Variants in MYOZ3 observed in about 807,000 individuals in gnomAD.
MYOZ3 encodes myozenin-3.
A neutral mutation model predicts 26.5 loss-of-function variants in MYOZ3; 19 were observed. The observed-to-expected ratio is 0.72, with a 90% confidence interval of 0.50 to 1.05. MYOZ3 has a LOEUF of 1.05. MYOZ3 is among the 50% of genes least tolerant of loss of function. The pLI, the probability that MYOZ3 is intolerant of heterozygous loss-of-function variation, is 0.00. For synonymous variants in MYOZ3, 135 were observed against 138.8 expected (o/e 0.97, Z 0.19); for missense variants, 322 against 337.1 (o/e 0.96, Z 0.35).
chr5:150,671,989 C>A, intron 5 of MYOZ3, 81 bp downstream of exon 5: 1 of 1,446,634 alleles, frequency 6.9e-7, no homozygotes, highest in African/African-American at 1.4e-5. Context: ...AGGAAGAGCA[C>A]CCAGAAGGCT....
intron 2 of MYOZ3, among the ~76,000 whole-genome samples, 171 bp downstream of exon 2, chr5:150,663,173 G>A (rs1758761618): frequency 6.6e-6 from 1 of 152,224 alleles, no homozygotes; most frequent in Non-Finnish European, 1.5e-5. Context: ...GCTTCCCTGA[G>A]GCACTGGGAG....
intron 6 of MYOZ3, chr5:150,673,332 T>C (rs181048913): frequency 2.0e-5 from 3 of 149,016 alleles, no homozygotes; most frequent in Admixed American, 2.0e-4. Flanking sequence ...ATAGCTATTA[T>C]TGTTGTTGTT....
intron 5 of MYOZ3, 45 bp from the exon 6 acceptor site, chr5:150,672,295 T>C (rs1758929452): frequency 6.4e-7 from 1 of 1,555,454 alleles, no homozygotes; most frequent in Non-Finnish European, 8.7e-7. Context: ...GGTTGGGGGC[T>C]GAGGGTGGAA....
intron 2 of MYOZ3, chr5:150,670,163 C>T (rs751427794): frequency 1.5e-5 from 3 of 195,936 alleles, no homozygotes; most frequent in African/African-American, 2.3e-5. Context: ...TAAAAAATAT[C>T]GAGAATCTGA....
At chr5:150,668,639 C>A (rs1460389014) in intron 2 of MYOZ3, among the ~76,000 whole-genome samples, 1 of 152,218 alleles carries the variant, frequency 6.6e-6, no homozygotes, top group Non-Finnish European at 1.5e-5. Flanking sequence ...TAGAGATGGA[C>A]TAGGCAGGCC....
chr5:150,669,633 CTTTTT>C (rs532402882), intron 2 of MYOZ3, among the ~76,000 whole-genome samples: 70 of 47,674 alleles, frequency 1.5e-3, no homozygotes, highest in African/African-American at 3.1e-3. Flanking sequence ...CCCATATATG[CTTTTT>C]TTTTTTTTTT....
At chr5:150,672,309 C>T in intron 5 of MYOZ3, 31 bp from the exon 6 acceptor site, 2 of 1,566,310 alleles carry the variant, frequency 1.3e-6, no homozygotes, top group African/African-American at 1.3e-5. Flanking sequence ...GGTGGAAGAA[C>T]GGAGGCGCTC....
At chr5:150,676,170 G>A (rs1427158758) in intron 6 of MYOZ3, among the ~76,000 whole-genome samples, 5 of 152,124 alleles carry the variant, frequency 3.3e-5, no homozygotes, top group Admixed American at 2.6e-4. Flanking sequence ...TGACTCCATC[G>A]GCTTCACTTC....
rs1759036123 is a variant in MYOZ3, at chr5:150,677,527, T to C, written c.*652T>C. ...TAGGAGTCCACATCCACACCTCTGCTCTTTCCTGTTCCTGTAGTGTACACT... is the reference window on the plus strand; with the variant it reads ...TAGGAGTCCACATCCACACCTCTGCCCTTTCCTGTTCCTGTAGTGTACACT... On this transcript the variant is annotated 3_prime_UTR_variant, in exon 7 of 7. Coordinates refer to ENST00000517768, the MANE Select transcript of MYOZ3 (RefSeq NM_001122853.3). The C allele has an allele frequency of 6.6e-6, 1 of 152,404 alleles. No individual in the cohort carries two copies. Among genetic ancestry groups the C allele is most frequent in the Non-Finnish European group, 1.5e-5 (1 of 68,094 alleles). The allele number at this position is 152,404 out of a possible 1,614,324, so 9.4% of individuals were successfully genotyped here. A position where few individuals can be genotyped will look rare whatever the true frequency, so the allele number is the denominator to read the frequency against.
At chr5:150,674,915 T>C (rs1283984195) in intron 6 of MYOZ3, among the ~76,000 whole-genome samples, 3 of 151,924 alleles carry the variant, frequency 2.0e-5, no homozygotes, top group African/African-American at 4.8e-5. Context: ...GAGGCTGAGG[T>C]GGGAGAATCG....
intron 6 of MYOZ3, chr5:150,672,893 T>A (rs767432025): frequency 2.0e-5 from 4 of 198,656 alleles, no homozygotes; most frequent in Non-Finnish European, 4.0e-5. Context: ...AGTGCCTTGT[T>A]CTCCATGGCT....
In MYOZ3 at chr5:150,676,844, T is replaced by A; in HGVS notation, c.725T>A (p.Val242Asp). 1 of 1,612,610 alleles carries A rather than the reference T, an allele frequency of 6.2e-7. No individual in the cohort carries two copies. The highest frequency in any genetic ancestry group is 8.5e-7 in the Non-Finnish European group (1 of 1,179,944). ...TTCAACAGAGTGGCCCAGGGCTGGG[T>A]CCGTAACCTCCCAGAGTCCGAGGAG... Reference protein sequence around the residue: ...PSFNRVAQGWVRNLPESEEL With the variant: ...PSFNRVAQGWDRNLPESEEL The change falls in exon 7 of 7, where the codon GTC becomes GAC. Residue 242 changes from valine to aspartate, a missense_variant. Transcript: ENST00000517768.
chr5:150,662,516 C>G (rs932316173), intron 1 of MYOZ3, among the ~76,000 whole-genome samples: 1 of 152,100 alleles, frequency 6.6e-6, no homozygotes, highest in Non-Finnish European at 1.5e-5. Context: ...CCATCCTCCC[C>G]CTTCCCCTAA....
chr5:150,665,916 T>C (rs1758801355), intron 2 of MYOZ3, among the ~76,000 whole-genome samples: 1 of 151,828 alleles, frequency 6.6e-6, no homozygotes, highest in African/African-American at 2.4e-5. Context: ...ATGCCTGCAA[T>C]TCCAGCTACT....
chr5:150,677,368 T>G lies in MYOZ3; in HGVS notation c.*493T>G, dbSNP rs1759028732. 2 of 152,912 alleles carry G rather than the reference T, an allele frequency of 1.3e-5. No individual in the cohort carries two copies. The highest frequency in any genetic ancestry group is 2.9e-5 in the Non-Finnish European group (2 of 68,472). The allele number at this position is 152,912 out of a possible 1,614,324, so 9.5% of individuals were successfully genotyped here. A position where few individuals can be genotyped will look rare whatever the true frequency, so the allele number is the denominator to read the frequency against. ...AATCACTTGAACTAGGAGGCAGAGG[T>G]TGCAGTGAGCCGAGATTGCGCCACT... is the stretch of plus-strand genomic sequence containing the variant. On this transcript the variant is annotated 3_prime_UTR_variant, in exon 7 of 7. Coordinates refer to ENST00000517768, the MANE Select transcript of MYOZ3 (RefSeq NM_001122853.3).
Position 150,671,824 on chromosome 5 carries a change from G to A in MYOZ3, c.340G>A (p.Gly114Arg). 2.5e-6 allele frequency: 4 copies of A among 1,611,300 alleles called. No individual in the cohort carries two copies. Among genetic ancestry groups the A allele is most frequent in the Non-Finnish European group, 3.4e-6 (4 of 1,179,592 alleles). ...GCTCCACATCTTCCCGGCCTCACCC[G>A]GGGCCTCACTCGGGGGTCCCGAGGG... The part of the protein sequence containing the change: ...SELHIFPASP[G>R]ASLGGPEGAH... Residue 114 changes from glycine (G) to arginine (R), a missense_variant, in exon 5 of 7, where the codon GGG (glycine) becomes AGG (arginine). Gly to Arg is a moderately radical substitution (Grantham distance 125). Coordinates refer to ENST00000517768, the MANE Select transcript of MYOZ3 (RefSeq NM_001122853.3).
upstream of MYOZ3, chr5:150,660,920 G>A (rs909785719): frequency 2.0e-5 from 3 of 148,460 alleles, no homozygotes; most frequent in South Asian, 6.5e-4. Flanking sequence ...GATAAGTCAA[G>A]CAAAGATATT....
At chr5:150,672,059 G>A (rs1758924473) in intron 5 of MYOZ3, 151 bp downstream of exon 5, 1 of 1,256,422 alleles carries the variant, frequency 8.0e-7, no homozygotes, top group East Asian at 2.5e-5. Context: ...CAGACCACGA[G>A]CCGGAGGGGC....
chr5:150,665,555 A>G (rs1046862598), intron 2 of MYOZ3, among the ~76,000 whole-genome samples: 1 of 152,164 alleles, frequency 6.6e-6, no homozygotes, highest in Non-Finnish European at 1.5e-5. Context: ...CCGAGAATAA[A>G]TTCCTAGAAA....
Sources: allele counts gnomAD v4.1 joint callset (sites outside exome capture counted in the v4.1 genomes callset), GRCh38; gene constraint gnomAD v4.1.1; transcripts MANE v1.5; gene names NCBI Gene and HGNC (gene_info 2026-07-23, HGNC 2026-07-21).